Variants in PTBP2 observed in about 807,000 individuals in gnomAD.
The protein encoded by PTBP2 is polypyrimidine tract binding protein 2.
In PTBP2, 13 loss-of-function variants were observed where a neutral mutation model predicts 61.4. The observed-to-expected ratio is 0.21, with a 90% CI of 0.14 to 0.34. The LOEUF is 0.34. Among genes scored for constraint, PTBP2 ranks in the 10% least tolerant of loss-of-function variants. The probability of loss-of-function intolerance (pLI) is 1.00; values close to 1 mark genes in which losing one functional copy is unlikely to be tolerated. For missense variants in PTBP2, 405 were observed against 642.6 expected, an observed-to-expected ratio of 0.63 and a Z score of 4.00; for synonymous variants, 215 against 218.5, an observed-to-expected ratio of 0.98 and a Z score of 0.14.
At chr1:96,729,896 C>T (rs1361553987) in intron 2 of PTBP2, among the ~76,000 whole-genome samples, 1 of 152,080 alleles carries the variant, frequency 6.6e-6, no homozygotes, top group African/African-American at 2.4e-5. Flanking sequence ...ACCACCACAC[C>T]TGGCTAATTT....
Position 96,733,024 on chromosome 1 carries a change from T to TC in PTBP2, c.39+9430_39+9431insC, listed in dbSNP as rs1443086127. Among the ~76,000 whole-genome samples the TC allele has an allele frequency of 3.1e-4, 46 of 148,526 alleles. 2 individuals carry two copies. The highest frequency in any genetic ancestry group is 1.7e-3 in the Admixed American group (26 of 14,980). The stretch of plus-strand genomic sequence containing the variant: ...CATTACTCTGCTTTCTTTCTTTCTT[T>TC]TTTTTTTTTTTTGCTATAGCAAATT... On this transcript the variant is annotated intron_variant, in intron 2 of 13. Coordinates refer to ENST00000674951, the MANE Select transcript of PTBP2 (RefSeq NM_021190.4).
At chr1:96,800,395 C>CTT (rs376568803) in intron 8 of PTBP2, among the ~76,000 whole-genome samples, 13 of 125,214 alleles carry the variant, frequency 1.0e-4, no homozygotes, top group Non-Finnish European at 1.7e-4. Flanking sequence ...CATTCTCTGG[C>CTT]TTTTTTTTTT....
Position 96,813,728 on chromosome 1 carries a change from G to A in PTBP2, c.*323G>A, listed in dbSNP as rs1179487726. ...ACGTGCCTTAAAAAGGAAAACTAGT[G>A]TTGCTATTGTGCATTTACTAGAAAA... On this transcript the variant is annotated 3_prime_UTR_variant, in exon 14 of 14. Transcript: ENST00000674951. 6.5e-6 allele frequency: 1 copy of A among 154,142 alleles called. No individual in the cohort carries two copies. The highest frequency in any genetic ancestry group is 1.2e-5 in the Non-Finnish European group (1 of 81,584). The allele number at this position is 154,142 out of a possible 1,614,324, so 9.5% of individuals were successfully genotyped here.
At chr1:96,792,863 C>T (rs571553195) in intron 8 of PTBP2, among the ~76,000 whole-genome samples, 122 of 151,724 alleles carry the variant, frequency 8.0e-4, no homozygotes, top group African/African-American at 2.8e-3. Flanking sequence ...AAATAATAGC[C>T]ATAAAATTAA....
At position 96,756,083 on chromosome 1, in the gene PTBP2, G is replaced by A. The variant is rs115801895; in HGVS notation, c.115+4583G>A. Among the ~76,000 whole-genome samples, 884 of 152,318 alleles carry A rather than the reference G, an allele frequency of 5.8e-3. 9 individuals are homozygous for A. The highest frequency in any genetic ancestry group is 9.9e-3 in the Non-Finnish European group (676 of 68,030). Reference sequence around the variant, plus strand: ...AATGCAGAGTGGTACAGCCACTTTGGAAGACAATTTGGCAATTTCTTAGAA... The same window carrying A: ...AATGCAGAGTGGTACAGCCACTTTGAAAGACAATTTGGCAATTTCTTAGAA... On this transcript the variant is annotated intron_variant, in intron 3 of 13. Transcript: ENST00000674951.
In PTBP2 at chr1:96,812,709, T is replaced by C; in HGVS notation, c.1172-3T>C. 6.4e-7 allele frequency: 1 copy of C among 1,556,290 alleles called. No homozygotes were observed. The highest frequency in any genetic ancestry group is 8.8e-7 in the Non-Finnish European group (1 of 1,131,024). On this transcript the variant is annotated splice_polypyrimidine_tract_variant and splice_region_variant and intron_variant, in intron 11 of 13. Transcript: ENST00000674951. ...TGTTAATAGACATGCTTTCTTTTTATAGCCATGAATCATCTTAATGGACAG... is the reference window on the plus strand; with the variant it reads ...TGTTAATAGACATGCTTTCTTTTTACAGCCATGAATCATCTTAATGGACAG...
intron 2 of PTBP2, among the ~76,000 whole-genome samples, chr1:96,749,382 T>A (rs1654251769): frequency 6.6e-6 from 1 of 152,182 alleles, no homozygotes; most frequent in African/African-American, 2.4e-5. Context: ...AGAGGTCAAG[T>A]ATATTTTTGA....
At chr1:96,818,410 T>G (rs1202783144), downstream of PTBP2, 1 of 152,104 alleles carries the variant, frequency 6.6e-6, no homozygotes, top group Admixed American at 6.6e-5. Flanking sequence ...ATATATTTTA[T>G]CAAGAAATTT....
intron 2 of PTBP2, among the ~76,000 whole-genome samples, chr1:96,738,787 A>G (rs1462316411): frequency 6.6e-6 from 1 of 152,208 alleles, no homozygotes; most frequent in African/African-American, 2.4e-5. Context: ...CTGGGCTGAA[A>G]TGGACACTTC....
chr1:96,790,690 A>T (rs886986622), intron 8 of PTBP2, among the ~76,000 whole-genome samples: 5 of 152,174 alleles, frequency 3.3e-5, no homozygotes, highest in Non-Finnish European at 5.9e-5. Context: ...TACTTAAACC[A>T]GCTTATGAAC....
At chr1:96,797,156 A>G (rs984036534) in intron 8 of PTBP2, among the ~76,000 whole-genome samples, 28 of 151,424 alleles carry the variant, frequency 1.8e-4, no homozygotes, top group African/African-American at 6.5e-4. Context: ...GGTGGCATTG[A>G]CATCGGAAGC....
intron 3 of PTBP2, among the ~76,000 whole-genome samples, chr1:96,766,157 G>A (rs1656681428): frequency 6.6e-6 from 1 of 152,184 alleles, no homozygotes; most frequent in Non-Finnish European, 1.5e-5. Context: ...GAGTTTGGAA[G>A]AGAAGTATTC....
intron 2 of PTBP2, among the ~76,000 whole-genome samples, chr1:96,744,322 A>T (rs1216342590): frequency 2.0e-5 from 3 of 152,168 alleles, no homozygotes; most frequent in East Asian, 1.9e-4. Flanking sequence ...ACATATATAT[A>T]TATTTTTTAA....
At chr1:96,722,866 C>G (rs543821155) in intron 1 of PTBP2, among the ~76,000 whole-genome samples, 58 of 152,120 alleles carry the variant, frequency 3.8e-4, no homozygotes, top group Non-Finnish European at 7.4e-4. Flanking sequence ...TGAAAAGACT[C>G]AGTAATTTAA....
At chr1:96,725,808 G>A (rs147621016) in intron 2 of PTBP2, among the ~76,000 whole-genome samples, 2,889 of 151,820 alleles carry the variant, frequency 0.019, 96 homozygotes, top group African/African-American at 0.065. Context: ...GGCCGGGCGC[G>A]GTGGGTCACA....
intron 2 of PTBP2, among the ~76,000 whole-genome samples, chr1:96,734,387 G>C (rs1651862268): frequency 6.6e-6 from 1 of 151,530 alleles, no homozygotes; most frequent in South Asian, 2.1e-4. Flanking sequence ...CACACACAAA[G>C]TTACCTCATA....
intron 3 of PTBP2, among the ~76,000 whole-genome samples, chr1:96,753,827 T>TG (rs1460776111): frequency 2.6e-5 from 4 of 152,120 alleles, no homozygotes; most frequent in African/African-American, 9.7e-5. Flanking sequence ...AGTAGCAGAT[T>TG]GGAGACAATA....
At chr1:96,759,706 C>A (rs998519768) in intron 3 of PTBP2, among the ~76,000 whole-genome samples, 15 of 152,052 alleles carry the variant, frequency 9.9e-5, no homozygotes, top group African/African-American at 3.6e-4. Context: ...TCTGCTTCAT[C>A]AAAAGACATT....
chr1:96,809,869 A>C (rs1214277072), intron 11 of PTBP2, among the ~76,000 whole-genome samples: 1 of 152,160 alleles, frequency 6.6e-6, no homozygotes, highest in African/African-American at 2.4e-5. Context: ...TGTTACCCCC[A>C]GGGAAGGAGA....
Sources: gnomAD v4.1 joint callset for allele counts (sites outside exome capture counted in the v4.1 genomes callset) on GRCh38, gnomAD v4.1.1 for gene constraint, MANE v1.5 for transcripts, NCBI Gene and HGNC (gene_info 2026-07-23, HGNC 2026-07-21) for gene names.